The following MTDH variants were observed in gnomAD, a reference collection of about 807,000 sequenced individuals.
The protein encoded by MTDH is metadherin.
Under a neutral mutation model 72.7 loss-of-function variants are expected in MTDH, and 34 were observed. The observed-to-expected ratio is 0.47, with a 90% CI of 0.36 to 0.62. MTDH has a LOEUF of 0.62. Ranked by LOEUF, MTDH falls within the 20% of genes least tolerant of loss-of-function variation. MTDH has a pLI of 0.00. For missense variants in MTDH, 677 were observed against 699.4 expected (o/e 0.97, Z 0.36); for synonymous variants, 266 against 268.9 (o/e 0.99, Z 0.10).
At chr8:97,651,414 C>A (rs1811767231) in intron 1 of MTDH, among the ~76,000 whole-genome samples, 1 of 152,122 alleles carries the variant, frequency 6.6e-6, no homozygotes, top group African/African-American at 2.4e-5. Context: ...TTATAAACAG[C>A]AAAATCACTA....
In MTDH at chr8:97,682,247, TATATATATATATATA is replaced by T. The variant is rs1813132519; in HGVS notation, c.484-4420_484-4406del. 4.4e-4 allele frequency among the ~76,000 whole-genome samples: 3 copies of T among 6,764 alleles called. 1 individual carries two copies. The highest frequency in any genetic ancestry group is 6.5e-3 in the South Asian group (2 of 308). The allele number at this position is 6,764 out of a possible 152,430, so 4.4% of individuals were successfully genotyped here. On this transcript the variant is annotated intron_variant, in intron 2 of 11. Coordinates refer to ENST00000336273, the MANE Select transcript of MTDH (RefSeq NM_178812.4). ...TAATTACTTTATATATATATATATA[TATATATATATATATA>T]TATATATATATATATATATTTTTTT...
intron 2 of MTDH, among the ~76,000 whole-genome samples, chr8:97,671,631 G>A (rs1385717932): frequency 6.6e-6 from 1 of 151,940 alleles, no homozygotes; most frequent in Non-Finnish European, 1.5e-5. Context: ...GGAGGCCAAG[G>A]TGGGAGTTCA....
chr8:97,655,680 A>G lies in MTDH; in HGVS notation c.382-5392A>G, dbSNP rs548430158. ...AGAAAAGGGTAGACGGGCCAGGTGC[A>G]GTGGCTTATACCTGTAATCCTAGCA... On this transcript the variant is annotated intron_variant, in intron 1 of 11. Transcript: ENST00000336273. 5.7e-3 allele frequency among the ~76,000 whole-genome samples: 872 copies of G among 152,320 alleles called. 9 individuals are homozygous for G. The highest frequency in any genetic ancestry group is 0.029 in the Admixed American group (441 of 15,298).
intron 1 of MTDH, among the ~76,000 whole-genome samples, chr8:97,655,025 G>A (rs182270995): frequency 1.2e-3 from 183 of 150,028 alleles, no homozygotes; most frequent in Middle Eastern, 6.9e-3. Context: ...CTGGGAGGCG[G>A]AGGTTGCAGT....
intron 2 of MTDH, among the ~76,000 whole-genome samples, chr8:97,678,578 GCTTC>G (rs1340280614): frequency 3.7e-5 from 5 of 133,790 alleles, no homozygotes; most frequent in Admixed American, 7.6e-5. Context: ...TGTTTCCTTT[GCTTC>G]CTTCCTTCCT....
intron 6 of MTDH, among the ~76,000 whole-genome samples, chr8:97,694,424 C>A (rs777786622): frequency 4.0e-5 from 6 of 151,872 alleles, no homozygotes; most frequent in Non-Finnish European, 8.8e-5. Context: ...CTCGAACTCC[C>A]AGTCTCAGGT....
intron 9 of MTDH, among the ~76,000 whole-genome samples, chr8:97,718,359 G>C (rs576313353): frequency 2.6e-5 from 4 of 152,324 alleles, no homozygotes; most frequent in African/African-American, 9.6e-5. Flanking sequence ...AGATTTTGTA[G>C]CTAGACTGTG....
intron 2 of MTDH, 50 bp downstream of exon 2, chr8:97,661,223 CAT>C: frequency 7.7e-7 from 1 of 1,304,608 alleles, no homozygotes; most frequent in Admixed American, 1.9e-5. Context: ...AATAGAATGA[CAT>C]ATAAGGATAA....
At chr8:97,690,294 A>C (rs1009454094) in intron 5 of MTDH, among the ~76,000 whole-genome samples, 2 of 152,102 alleles carry the variant, frequency 1.3e-5, no homozygotes, top group Non-Finnish European at 2.9e-5. Flanking sequence ...GCCCAGCCTC[A>C]TTTCACACTT....
At chr8:97,695,816 G>A (rs1467867740) in intron 6 of MTDH, among the ~76,000 whole-genome samples, 1 of 152,200 alleles carries the variant, frequency 6.6e-6, no homozygotes, top group African/African-American at 2.4e-5. Context: ...GTGAGGATTT[G>A]TTGTAATGAA....
At chr8:97,669,234 C>T (rs1586221335) in intron 2 of MTDH, among the ~76,000 whole-genome samples, 1 of 152,070 alleles carries the variant, frequency 6.6e-6, no homozygotes, top group East Asian at 1.9e-4. Context: ...CTGCAACCTC[C>T]ACCTCCCTGG....
At position 97,644,291 on chromosome 8, in the gene MTDH, T is replaced by TGGC. The variant is rs1047264814; in HGVS notation, c.-207_-205dup. 1.2e-5 allele frequency: 7 copies of TGGC among 580,606 alleles called. No individual in the cohort carries two copies. The highest frequency in any genetic ancestry group is 4.0e-5 in the African/African-American group (2 of 50,018). 36.0% of individuals were successfully genotyped at this position (580,606 alleles called of 1,614,324 possible). On this transcript the variant is annotated 5_prime_UTR_variant, in exon 1 of 12. Coordinates refer to ENST00000336273, the MANE Select transcript of MTDH (RefSeq NM_178812.4). Reference sequence around the variant, plus strand: ...ACTCCCTCCCGCCTCCCGGGTCTCCTGGCGGCGGCGGAGTGAGGCTGACAG... The same window carrying TGGC: ...ACTCCCTCCCGCCTCCCGGGTCTCCTGGCGGCGGCGGCGGAGTGAGGCTGACAG...
At chr8:97,654,510 C>A (rs759477623) in intron 1 of MTDH, among the ~76,000 whole-genome samples, 1 of 151,918 alleles carries the variant, frequency 6.6e-6, no homozygotes, top group African/African-American at 2.4e-5. Flanking sequence ...AACTTATCAA[C>A]TACAATGATG....
chr8:97,695,196 C>T (rs1813784344), intron 6 of MTDH, among the ~76,000 whole-genome samples: 1 of 151,596 alleles, frequency 6.6e-6, no homozygotes, highest in Non-Finnish European at 1.5e-5. Flanking sequence ...GCAACCTCAC[C>T]TCCCGGGTCC....
chr8:97,675,669 C>G (rs947004446), intron 2 of MTDH, among the ~76,000 whole-genome samples: 3 of 151,772 alleles, frequency 2.0e-5, no homozygotes, highest in Non-Finnish European at 4.4e-5. Flanking sequence ...CTCAAGAGTT[C>G]GAAACAAGCC....
At chr8:97,713,170 C>G (rs892800524) in intron 8 of MTDH, among the ~76,000 whole-genome samples, 1 of 152,072 alleles carries the variant, frequency 6.6e-6, no homozygotes, top group Non-Finnish European at 1.5e-5. Flanking sequence ...CTGCAAGCTC[C>G]GCCTCCTGGG....
At chr8:97,684,134 C>T (rs1405429196) in intron 2 of MTDH, among the ~76,000 whole-genome samples, 1 of 134,208 alleles carries the variant, frequency 7.5e-6, no homozygotes, top group African/African-American at 2.7e-5. Flanking sequence ...TGAAAAACTC[C>T]TTCTCAAAAA....
At chr8:97,646,849 T>C (rs1046385255) in intron 1 of MTDH, among the ~76,000 whole-genome samples, 1 of 152,222 alleles carries the variant, frequency 6.6e-6, no homozygotes, top group South Asian at 2.1e-4. Context: ...CTACCAAATA[T>C]TGAAGATGTA....
chr8:97,730,061 A>T lies in MTDH; in HGVS notation c.*5391A>T, dbSNP rs1233014223. On this transcript the variant is annotated 3_prime_UTR_variant, in exon 12 of 12. Coordinates refer to ENST00000336273, the MANE Select transcript of MTDH (RefSeq NM_178812.4). ...GTGTGTTGTAAGACATTTGCCAGCT[A>T]ATAGTTACAGTACTGAAGCTTGTGA... Among the ~76,000 whole-genome samples the T allele has an allele frequency of 6.6e-6, 1 of 152,198 alleles. No homozygotes were observed. Among genetic ancestry groups the T allele is most frequent in the Non-Finnish European group, 1.5e-5 (1 of 68,026 alleles).
Sources: gnomAD v4.1 joint callset for allele counts (sites outside exome capture counted in the v4.1 genomes callset) on GRCh38, gnomAD v4.1.1 for gene constraint, MANE v1.5 for transcripts, NCBI Gene and HGNC (gene_info 2026-07-23, HGNC 2026-07-21) for gene names.